The following SNX25 variants were observed in gnomAD, a reference collection of about 807,000 sequenced individuals.
SNX25 encodes the protein sorting nexin 25.
SNX25 carries 62 observed loss-of-function variants against 113.7 expected under a neutral mutation model. The observed-to-expected ratio is 0.55, with a 90% CI of 0.44 to 0.67. The LOEUF is 0.67. Among genes scored for constraint, SNX25 ranks in the 30% least tolerant of loss-of-function variants. SNX25 has a pLI of 0.00. For missense variants in SNX25, 1,014 were observed against 1,161.0 expected (o/e 0.87, Z 1.84); for synonymous variants, 421 against 436.2 (o/e 0.97, Z 0.43).
Position 185,210,973 on chromosome 4 carries a change from C to T in SNX25, c.429+718C>T, listed in dbSNP as rs948307153. Among the ~76,000 whole-genome samples the T allele has an allele frequency of 2.0e-5, 3 of 152,202 alleles. No homozygotes were observed. The highest frequency in any genetic ancestry group is 2.1e-4 in the South Asian group (1 of 4,826). On this transcript the variant is annotated intron_variant, in intron 1 of 18. Coordinates refer to ENST00000652585, the MANE Select transcript of SNX25 (RefSeq NM_001378034.2). The surrounding 1 kb of genome is among the most constrained non-coding windows in gnomAD (Gnocchi z 4.4). Reference sequence around the variant, plus strand: ...CTTCTTCAGTGCCAAACCCACTGCCCCATCTTTCTTCCACATTCCTTCTCA... The same window carrying T: ...CTTCTTCAGTGCCAAACCCACTGCCTCATCTTTCTTCCACATTCCTTCTCA...
At chr4:185,318,085 C>G (rs544078778) in intron 7 of SNX25, among the ~76,000 whole-genome samples, 4 of 152,120 alleles carry the variant, frequency 2.6e-5, no homozygotes, top group Non-Finnish European at 5.9e-5. Context: ...GCCCACAAAA[C>G]AGATTAAGCA....
At chr4:185,239,316 T>C (rs550990358) in intron 1 of SNX25, among the ~76,000 whole-genome samples, 48 of 151,914 alleles carry the variant, frequency 3.2e-4, no homozygotes, top group Non-Finnish European at 6.9e-4. Context: ...ACTCCGTCTC[T>C]ACTAAAAATG....
intron 9 of SNX25, among the ~76,000 whole-genome samples, chr4:185,329,433 C>T (rs947399384): frequency 2.0e-5 from 3 of 152,046 alleles, no homozygotes; most frequent in Non-Finnish European, 4.4e-5. Flanking sequence ...AAGACAGAGA[C>T]CCAGCGTCCT....
At chr4:185,366,161 G>C (rs2095387450), downstream of SNX25, 1 of 152,208 alleles carries the variant, frequency 6.6e-6, no homozygotes, top group Non-Finnish European at 1.5e-5. Flanking sequence ...GAATAGCCTT[G>C]TACAATCTTA....
At position 185,210,824 on chromosome 4, in the gene SNX25, T is replaced by G. The variant is rs1025742905; in HGVS notation, c.429+569T>G. 6.6e-6 allele frequency among the ~76,000 whole-genome samples: 1 copy of G among 152,066 alleles called. No homozygotes were observed. The highest frequency in any genetic ancestry group is 2.1e-4 in the South Asian group (1 of 4,822). ...GCAGTCCCCGCTGGCTTCTGTGATT[T>G]GGAAGGGGGATGCCAGAAATCACTG... On this transcript the variant is annotated intron_variant, in intron 1 of 18. Coordinates refer to ENST00000652585, the MANE Select transcript of SNX25 (RefSeq NM_001378034.2). The surrounding 1 kb of genome is among the most constrained non-coding windows in gnomAD (Gnocchi z 4.4).
intron 5 of SNX25, among the ~76,000 whole-genome samples, chr4:185,267,483 C>G (rs1453551305): frequency 1.3e-5 from 2 of 152,094 alleles, no homozygotes; most frequent in Non-Finnish European, 2.9e-5. Context: ...GTAATCCCAG[C>G]ACTTTGGGAG....
chr4:185,374,552 C>T (rs2095426853), downstream of SNX25: 2 of 1,348,524 alleles, frequency 1.5e-6, no homozygotes, highest in African/African-American at 1.4e-5. Flanking sequence ...AGTGTCCGCC[C>T]TCTGACACGA....
chr4:185,335,970 A>G (rs1412181277), intron 10 of SNX25, among the ~76,000 whole-genome samples: 8 of 152,262 alleles, frequency 5.3e-5, no homozygotes, highest in African/African-American at 1.7e-4. Flanking sequence ...GAGGAAGGAA[A>G]GAGCCCTTGC....
chr4:185,266,248 G>GAGAA (rs1748058886), intron 4 of SNX25, among the ~76,000 whole-genome samples: 1 of 152,150 alleles, frequency 6.6e-6, no homozygotes, highest in African/African-American at 2.4e-5. Context: ...GTTTTAACCA[G>GAGAA]TTGGGGAGAA....
At chr4:185,262,651 A>G (rs1014596956) in intron 3 of SNX25, among the ~76,000 whole-genome samples, 10 of 152,330 alleles carry the variant, frequency 6.6e-5, no homozygotes, top group Admixed American at 5.2e-4. Context: ...TTTCTCATCT[A>G]TAGAATACAC....
upstream of SNX25, among the ~76,000 whole-genome samples, chr4:185,208,342 G>A (rs1383401918): frequency 3.3e-5 from 5 of 152,036 alleles, no homozygotes; most frequent in Non-Finnish European, 7.4e-5. Flanking sequence ...GGAGGAGAAA[G>A]GAAACTGGTA....
chr4:185,268,078 G>A (rs1457988824), intron 5 of SNX25, among the ~76,000 whole-genome samples: 1 of 152,134 alleles, frequency 6.6e-6, no homozygotes, highest in Non-Finnish European at 1.5e-5. Context: ...GACTCATGCA[G>A]TTCAAACCTA....
intron 3 of SNX25, among the ~76,000 whole-genome samples, chr4:185,263,680 G>GT (rs1237625047): frequency 4.6e-5 from 7 of 152,124 alleles, no homozygotes; most frequent in Non-Finnish European, 8.8e-5. Context: ...TCTGCTTCAT[G>GT]TTTTTTCTCA....
downstream of SNX25, chr4:185,367,077 T>C (rs938181916): frequency 1.0e-6 from 1 of 984,156 alleles, no homozygotes; most frequent in Non-Finnish European, 1.6e-6. Context: ...ATACCCAGGA[T>C]AGTGTAATTT....
At chr4:185,231,318 C>G (rs1330805513) in intron 1 of SNX25, among the ~76,000 whole-genome samples, 3 of 151,232 alleles carry the variant, frequency 2.0e-5, no homozygotes, top group Non-Finnish European at 1.5e-5. Context: ...CCAGGATGGT[C>G]TTGATCTCCT....
chr4:185,211,036 ACACT>A (rs1374191326), intron 1 of SNX25, among the ~76,000 whole-genome samples: 1 of 152,018 alleles, frequency 6.6e-6, no homozygotes, highest in Admixed American at 6.5e-5. Flanking sequence ...TCCCAGCTTA[ACACT>A]CACTGCTTGA....
At chr4:185,360,918 C>CA (rs972994015) in intron 16 of SNX25, among the ~76,000 whole-genome samples, 19 of 115,912 alleles carry the variant, frequency 1.6e-4, no homozygotes, top group Admixed American at 3.3e-4. Flanking sequence ...GACTCCGTCT[C>CA]AAAAAAAAAA....
intron 13 of SNX25, among the ~76,000 whole-genome samples, chr4:185,346,962 G>A (rs373836923): frequency 3.9e-5 from 6 of 152,090 alleles, no homozygotes; most frequent in Admixed American, 2.6e-4. Context: ...CTGCTGTCCC[G>A]ACTTCCAGCA....
At chr4:185,349,592 T>C (rs906304356) in intron 13 of SNX25, among the ~76,000 whole-genome samples, 2 of 152,230 alleles carry the variant, frequency 1.3e-5, no homozygotes, top group African/African-American at 4.8e-5. Flanking sequence ...TTTTGTCTGG[T>C]GTGAGATGGT....
Sources: gnomAD v4.1 joint callset for allele counts (sites outside exome capture counted in the v4.1 genomes callset) on GRCh38, gnomAD v4.1.1 for gene constraint, Gnocchi (gnomAD v3.1) non-coding constraint, MANE v1.5 for transcripts, NCBI Gene and HGNC (gene_info 2026-07-23, HGNC 2026-07-21) for gene names.